DMRT1: variants seen among roughly 807,000 people sequenced by gnomAD.
DMRT1 encodes doublesex- and mab-3-related transcription factor 1.
DMRT1 carries 7 observed loss-of-function variants against 32.3 expected under a neutral mutation model. The observed-to-expected ratio is 0.22, with a 90% CI of 0.12 to 0.41. The LOEUF (loss-of-function observed/expected upper bound fraction) is 0.41. Ranked by LOEUF, DMRT1 falls within the 10% of genes least tolerant of loss-of-function variation. The probability of loss-of-function intolerance (pLI) is 1.00; values close to 1 mark genes in which losing one functional copy is unlikely to be tolerated. For synonymous variants in DMRT1, 278 were observed against 206.1 expected, an observed-to-expected ratio of 1.35 and a Z score of -2.99; for missense variants, 625 against 500.5, an observed-to-expected ratio of 1.25 and a Z score of -2.37.
chr9:857,380 T>C (rs1303201456), intron 2 of DMRT1, among the ~76,000 whole-genome samples: 1 of 152,186 alleles, frequency 6.6e-6, no homozygotes, highest in Non-Finnish European at 1.5e-5. Flanking sequence ...AACGTTCCTT[T>C]CTTACTTGTC....
rs552642220 is a variant in DMRT1, at chr9:960,967, C to T, written c.968-7018C>T. On this transcript the variant is annotated intron_variant, in intron 4 of 4. Coordinates refer to ENST00000382276, the MANE Select transcript of DMRT1 (RefSeq NM_021951.3). ...GAGATGTGGTTGTCACCGGGCCACA[C>T]GTGTGGGTGACCACAGGAGGGAACG... 5.9e-5 allele frequency among the ~76,000 whole-genome samples: 9 copies of T among 152,286 alleles called. No homozygotes were observed. In the South Asian group the frequency reaches 1.9e-3, roughly 32 times the overall value.
chr9:869,786 G>T (rs954648748), intron 2 of DMRT1, among the ~76,000 whole-genome samples: 1 of 151,470 alleles, frequency 6.6e-6, no homozygotes, highest in Non-Finnish European at 1.5e-5. Context: ...ATTCTCTGTC[G>T]CACAGTTAAT....
chr9:936,392 T>A (rs1818886180), intron 4 of DMRT1, among the ~76,000 whole-genome samples: 1 of 152,140 alleles, frequency 6.6e-6, no homozygotes, highest in Non-Finnish European at 1.5e-5. Flanking sequence ...TCTTCTTGGC[T>A]TTTTTGATGG....
At chr9:885,009 T>A (rs1816871174) in intron 2 of DMRT1, among the ~76,000 whole-genome samples, 1 of 152,170 alleles carries the variant, frequency 6.6e-6, no homozygotes, top group South Asian at 2.1e-4. Flanking sequence ...CATATTTCCA[T>A]TTGCATCATA....
intron 4 of DMRT1, among the ~76,000 whole-genome samples, chr9:959,003 G>T (rs986914701): frequency 6.6e-6 from 1 of 152,192 alleles, no homozygotes; most frequent in South Asian, 2.1e-4. Flanking sequence ...CTTCTGCAAG[G>T]CTGCTTTAAA....
chr9:937,901 CAT>C (rs1281990862), intron 4 of DMRT1, among the ~76,000 whole-genome samples: 1 of 151,530 alleles, frequency 6.6e-6, no homozygotes, highest in African/African-American at 2.4e-5. Context: ...CTTTTGGTGT[CAT>C]ATTTAAGAAA....
chr9:872,972 C>G (rs1313249068), intron 2 of DMRT1, among the ~76,000 whole-genome samples: 1 of 152,228 alleles, frequency 6.6e-6, no homozygotes, highest in Admixed American at 6.5e-5. Flanking sequence ...CAGATCTTCT[C>G]TACTCTGTTC....
At chr9:864,825 C>G (rs1564206990) in intron 2 of DMRT1, among the ~76,000 whole-genome samples, 4 of 152,112 alleles carry the variant, frequency 2.6e-5, no homozygotes, top group Admixed American at 2.6e-4. Context: ...ACTTCTATTC[C>G]TCAGTTCAAT....
intron 1 of DMRT1, among the ~76,000 whole-genome samples, chr9:844,190 C>G (rs1233870528): frequency 6.6e-6 from 1 of 152,128 alleles, no homozygotes; most frequent in Non-Finnish European, 1.5e-5. Flanking sequence ...AACTCAAGGT[C>G]ACTTAGAATG....
At chr9:881,718 A>T (rs1014468856) in intron 2 of DMRT1, among the ~76,000 whole-genome samples, 1 of 152,234 alleles carries the variant, frequency 6.6e-6, no homozygotes, top group African/African-American at 2.4e-5. Flanking sequence ...AAATATTTAA[A>T]AGGTTCAAGA....
At chr9:896,300 T>C (rs1451574023) in intron 3 of DMRT1, among the ~76,000 whole-genome samples, 4 of 147,684 alleles carry the variant, frequency 2.7e-5, no homozygotes, top group Admixed American at 2.7e-4. Flanking sequence ...TTTTTTTTTT[T>C]TTTCCTGAGA....
At chr9:929,544 CCT>C (rs1818638875) in intron 4 of DMRT1, among the ~76,000 whole-genome samples, 1 of 151,908 alleles carries the variant, frequency 6.6e-6, no homozygotes, top group Non-Finnish European at 1.5e-5. Context: ...TATTATTTCT[CCT>C]TCTGCTTGGG....
At chr9:909,318 A>T (rs60693960) in intron 3 of DMRT1, among the ~76,000 whole-genome samples, 5,566 of 152,124 alleles carry the variant, frequency 0.037, 226 homozygotes, top group African/African-American at 0.098. Context: ...ATATATTAAA[A>T]TTTTTTTCTC....
chr9:918,250 A>C (rs1217487675), intron 4 of DMRT1, among the ~76,000 whole-genome samples: 1 of 152,260 alleles, frequency 6.6e-6, no homozygotes, highest in Non-Finnish European at 1.5e-5. Flanking sequence ...TTGGGGATGA[A>C]GCAGTTAAAG....
chr9:842,693 G>C (rs1041144522), intron 1 of DMRT1: 1 of 154,222 alleles, frequency 6.5e-6, no homozygotes, highest in Non-Finnish European at 1.4e-5. Context: ...CCGGAGACGC[G>C]TCTGATCCCG....
chr9:857,997 G>A (rs909155959), intron 2 of DMRT1, among the ~76,000 whole-genome samples: 3 of 151,944 alleles, frequency 2.0e-5, no homozygotes, highest in African/African-American at 4.8e-5. Context: ...TGGTGTATAT[G>A]TGCCACATTT....
chr9:962,657 G>A (rs867912381), intron 4 of DMRT1, among the ~76,000 whole-genome samples: 15 of 152,130 alleles, frequency 9.9e-5, no homozygotes, highest in Admixed American at 3.3e-4. Flanking sequence ...ACGCCTGGCC[G>A]TGAGCTAATT....
intron 3 of DMRT1, among the ~76,000 whole-genome samples, chr9:899,634 C>T (rs1214372520): frequency 6.6e-6 from 1 of 152,198 alleles, no homozygotes; most frequent in African/African-American, 2.4e-5. Flanking sequence ...ATGGCTGGTT[C>T]CGCTGACCAG....
chr9:856,699 T>C (rs7865324), intron 2 of DMRT1, among the ~76,000 whole-genome samples: 59,036 of 152,126 alleles, frequency 0.39, 13,530 homozygotes, highest in Non-Finnish European at 0.52. Context: ...TGCTGTGAAC[T>C]TGTGTGCAAG....
Sources: allele counts gnomAD v4.1 joint callset (sites outside exome capture counted in the v4.1 genomes callset), GRCh38; gene constraint gnomAD v4.1.1; transcripts MANE v1.5; gene names NCBI Gene and HGNC (gene_info 2026-07-23, HGNC 2026-07-21).